Variants in MGRN1 observed in about 807,000 individuals in gnomAD.
MGRN1 encodes E3 ubiquitin-protein ligase MGRN1.
In MGRN1, 29 loss-of-function variants were observed where a neutral mutation model predicts 69.2. The ratio of observed to expected loss-of-function variants is 0.42; its 90% CI spans 0.31 to 0.57. The LOEUF (loss-of-function observed/expected upper bound fraction) is 0.57, where lower values mean the gene tolerates loss of function less well. MGRN1 is among the 20% of genes least tolerant of loss of function. The pLI is 0.15. For missense variants in MGRN1, 998 were observed against 796.2 expected (o/e 1.25, Z -3.05); for synonymous variants, 470 against 344.2 (o/e 1.37, Z -4.04).
chr16:4,664,889 G>A, intron 6 of MGRN1, 114 bp downstream of exon 6: 1 of 1,407,124 alleles, frequency 7.1e-7, no homozygotes, highest in Non-Finnish European at 1.0e-6. Context: ...AGGGCCTTGG[G>A]CTTCCCACAG....
chr16:4,643,850 G>GA (rs1310055712), intron 1 of MGRN1, among the ~76,000 whole-genome samples: 1 of 151,980 alleles, frequency 6.6e-6, no homozygotes, highest in Non-Finnish European at 1.5e-5. Context: ...GAAGAAATAC[G>GA]AAAAAACATT....
intron 8 of MGRN1, among the ~76,000 whole-genome samples, chr16:4,669,698 A>G (rs1178586354): frequency 6.6e-6 from 1 of 152,228 alleles, no homozygotes; most frequent in East Asian, 1.9e-4. Flanking sequence ...CTTCCTTACA[A>G]ATTGTCCAAT....
intron 5 of MGRN1, 36 bp downstream of exon 5, chr16:4,657,399 C>G (rs752767177): frequency 6.3e-7 from 1 of 1,575,632 alleles, no homozygotes; most frequent in South Asian, 1.1e-5. Flanking sequence ...CCCTTCGCTC[C>G]TCCTGAATTC....
At chr16:4,650,186 C>G in intron 1 of MGRN1, 179 bp from the exon 2 acceptor site, 1 of 514,690 alleles carries the variant, frequency 1.9e-6, no homozygotes, top group Non-Finnish European at 3.5e-6. Flanking sequence ...GCCGGTAATC[C>G]CAGCTACTCG....
rs1485510703 is a variant in MGRN1, at chr16:4,681,545, T to A, written c.1132-5T>A. The A allele has an allele frequency of 1.9e-6, 3 of 1,611,360 alleles. No individual in the cohort carries two copies. The African/African-American group carries it at 4.0e-5, about 22-fold the overall frequency. ...TGAGCCCCCTCACGCACCCTGTCCC[T>A]ACAGAACTCTGACAGCGTCCCACCT... On this transcript the variant is annotated splice_region_variant and splice_polypyrimidine_tract_variant and intron_variant, in intron 12 of 16. Coordinates refer to ENST00000262370, the MANE Select transcript of MGRN1 (RefSeq NM_015246.4).
At chr16:4,660,008 C>T (rs145792365) in intron 5 of MGRN1, among the ~76,000 whole-genome samples, 1,657 of 152,290 alleles carry the variant, frequency 0.011, 16 homozygotes, top group Non-Finnish European at 0.017. Flanking sequence ...GCAGCCAGGC[C>T]GCAGAGACCT....
intron 1 of MGRN1, among the ~76,000 whole-genome samples, chr16:4,642,573 C>G (rs1320700999): frequency 1.3e-5 from 2 of 151,980 alleles, no homozygotes; most frequent in African/African-American, 4.8e-5. Flanking sequence ...ATCCGCCCGC[C>G]TCGGCCTCCC....
chr16:4,640,221 G>C (rs1243302109), intron 1 of MGRN1: 1 of 152,342 alleles, frequency 6.6e-6, no homozygotes, highest in African/African-American at 2.4e-5. Context: ...TCTGTGGCCT[G>C]TATGGAAGGG....
intron 1 of MGRN1, among the ~76,000 whole-genome samples, chr16:4,643,983 T>G (rs541738986): frequency 3.2e-4 from 48 of 150,964 alleles, no homozygotes; most frequent in African/African-American, 1.1e-3. Flanking sequence ...TGTTTGTTTG[T>G]TTTTTTTGAG....
At chr16:4,631,906 GT>G (rs752844095) in intron 1 of MGRN1, among the ~76,000 whole-genome samples, 4 of 91,504 alleles carry the variant, frequency 4.4e-5, no homozygotes, top group African/African-American at 1.5e-4. Context: ...CTTCTCAGTT[GT>G]TTTTTTTTTT....
chr16:4,665,292 T>C (rs1274679579), intron 7 of MGRN1, 141 bp downstream of exon 7: 1 of 806,714 alleles, frequency 1.2e-6, no homozygotes. Context: ...TTGGGGCGTG[T>C]CTGTGGCTTC....
chr16:4,674,299 A>AT (rs2079005671), intron 10 of MGRN1, among the ~76,000 whole-genome samples: 1 of 148,290 alleles, frequency 6.7e-6, no homozygotes, highest in African/African-American at 2.5e-5. Flanking sequence ...ATTTTATTTT[A>AT]TTTTTTTGAG....
In MGRN1 at chr16:4,624,846, C is replaced by G. The variant is rs564659794; in HGVS notation, c.-115C>G. Reference sequence around the variant, plus strand: ...GGGGTGGGGGCTCGAGGCGCCTCCGCGGCCGTGGACGAGCGTCCGTGCGGC... The same window carrying G: ...GGGGTGGGGGCTCGAGGCGCCTCCGGGGCCGTGGACGAGCGTCCGTGCGGC... On this transcript the variant is annotated 5_prime_UTR_variant, in exon 1 of 17. Transcript: ENST00000262370. 1.1e-5 allele frequency: 9 copies of G among 840,382 alleles called. No individual in the cohort carries two copies. The highest frequency in any genetic ancestry group is 1.3e-5 in the Non-Finnish European group (8 of 609,696). The allele number at this position is 840,382 out of a possible 1,614,324, so 52.1% of individuals were successfully genotyped here.
chr16:4,683,079 G>A lies in MGRN1; in HGVS notation c.1482+133G>A, dbSNP rs940934207. Reference sequence around the variant, plus strand: ...CTTGTTGGCTCTTGCTGAGCTGCGCGGCTCCTTAGCCTCGGTCTGTGGAGG... The same window carrying A: ...CTTGTTGGCTCTTGCTGAGCTGCGCAGCTCCTTAGCCTCGGTCTGTGGAGG... On this transcript the variant is annotated intron_variant, in intron 14 of 16. Transcript: ENST00000262370. The A allele has an allele frequency of 2.7e-5, 40 of 1,492,646 alleles. No individual in the cohort carries two copies. The East Asian group carries it at 5.5e-4, about 21-fold the overall frequency. 92.5% of individuals were successfully genotyped at this position (1,492,646 alleles called of 1,614,324 possible).
chr16:4,673,537 GTGGTGTGC>G lies in MGRN1; in HGVS notation c.836_843del (p.Val279AlafsTer71). ...GAACAGCGACAACAGCAACGAGTGTGTGGTGTGCCTGTCCGACCTGCGGGACACGCTGA... is the reference window on the plus strand; with the variant it reads ...GAACAGCGACAACAGCAACGAGTGTGCTGTCCGACCTGCGGGACACGCTGA... On this transcript the variant is annotated frameshift_variant, in exon 10 of 17. Coordinates refer to ENST00000262370, the MANE Select transcript of MGRN1 (RefSeq NM_015246.4). LOFTEE classifies it high-confidence loss of function. 6.2e-7 allele frequency: 1 copy of G among 1,613,740 alleles called. No homozygotes were observed. The highest frequency in any genetic ancestry group is 8.5e-7 in the Non-Finnish European group (1 of 1,180,006).
chr16:4,686,418 C>T (rs996171396), intron 16 of MGRN1: 16 of 1,451,046 alleles, frequency 1.1e-5, no homozygotes, highest in South Asian at 4.3e-5. Flanking sequence ...CGTCCGCATC[C>T]GCATCTTCCC....
chr16:4,683,368 C>T (rs1162324561), intron 15 of MGRN1, 99 bp downstream of exon 15: 2 of 1,411,828 alleles, frequency 1.4e-6, no homozygotes, highest in African/African-American at 1.4e-5. Flanking sequence ...GCCAGCACCT[C>T]TTCTGCCCCA....
At chr16:4,686,687 A>C in intron 16 of MGRN1, 2 of 1,041,010 alleles carry the variant, frequency 1.9e-6, no homozygotes, top group Non-Finnish European at 2.3e-6. Context: ...AGCACCGTGG[A>C]GGGAACCCCA....
chr16:4,627,209 C>T (rs368704153), intron 1 of MGRN1, among the ~76,000 whole-genome samples: 24 of 152,144 alleles, frequency 1.6e-4, no homozygotes, highest in Non-Finnish European at 2.4e-4. Context: ...TTCAATCACC[C>T]GATGAGAAAG....
Sources: gnomAD v4.1 joint callset for allele counts (sites outside exome capture counted in the v4.1 genomes callset) on GRCh38, gnomAD v4.1.1 for gene constraint, MANE v1.5 for transcripts, NCBI Gene and HGNC (gene_info 2026-07-23, HGNC 2026-07-21) for gene names.